GALNT12: variants seen among roughly 807,000 people sequenced by gnomAD.
GALNT12 encodes the protein polypeptide N-acetylgalactosaminyltransferase 12.
GALNT12 carries 45 observed loss-of-function variants against 55.5 expected under a neutral mutation model. That is an observed-to-expected ratio of 0.81 (90% CI 0.64 to 1.04). The LOEUF is 1.04. GALNT12 is among the 50% of genes least tolerant of loss of function. The pLI is 0.00. For synonymous variants in GALNT12, 304 were observed against 312.2 expected (o/e 0.97, Z 0.28); for missense variants, 709 against 754.8 (o/e 0.94, Z 0.71).
At chr9:98,828,890 C>T (rs1052518990) in intron 3 of GALNT12, among the ~76,000 whole-genome samples, 5 of 151,888 alleles carry the variant, frequency 3.3e-5, no homozygotes, top group African/African-American at 1.2e-4. Flanking sequence ...AGGGCAGTGG[C>T]GTGATCTTGG....
intron 1 of GALNT12, among the ~76,000 whole-genome samples, chr9:98,810,421 A>C (rs566768745): frequency 3.3e-5 from 5 of 152,246 alleles, no homozygotes; most frequent in African/African-American, 1.2e-4. Context: ...GTTTATTTTA[A>C]TTATGAAAGC....
intron 6 of GALNT12, among the ~76,000 whole-genome samples, chr9:98,837,786 A>C (rs1407504): frequency 0.26 from 39,558 of 151,964 alleles, 5,385 homozygotes; most frequent in East Asian, 0.33. Context: ...TGCCCTTGTT[A>C]TATATCACCT....
At chr9:98,833,891 C>G (rs1031162579) in intron 4 of GALNT12, among the ~76,000 whole-genome samples, 11 of 152,270 alleles carry the variant, frequency 7.2e-5, no homozygotes, top group African/African-American at 2.6e-4. Flanking sequence ...CATAATATCC[C>G]TGTGCCTCAG....
chr9:98,829,334 A>G (rs1467848746), intron 3 of GALNT12, among the ~76,000 whole-genome samples: 1 of 151,584 alleles, frequency 6.6e-6, no homozygotes, highest in Non-Finnish European at 1.5e-5. Flanking sequence ...GATTACAGGC[A>G]TGCACTACCA....
At chr9:98,813,428 A>C (rs1835536664) in intron 1 of GALNT12, among the ~76,000 whole-genome samples, 1 of 151,978 alleles carries the variant, frequency 6.6e-6, no homozygotes, top group African/African-American at 2.4e-5. Flanking sequence ...TATCTAGATT[A>C]GTGTTTTCTT....
intron 1 of GALNT12, 88 bp downstream of exon 1, chr9:98,808,157 G>A: frequency 2.8e-6 from 3 of 1,090,352 alleles, no homozygotes; most frequent in South Asian, 1.4e-5. Flanking sequence ...CGGGGAGCTG[G>A]GGTCTCCAGG....
chr9:98,841,716 G>C (rs1449826528), intron 7 of GALNT12, among the ~76,000 whole-genome samples: 1 of 151,850 alleles, frequency 6.6e-6, no homozygotes, highest in Non-Finnish European at 1.5e-5. Flanking sequence ...TGTCCCCCAG[G>C]CTGGAGTGCA....
intron 1 of GALNT12, 147 bp downstream of exon 1, chr9:98,808,216 C>A: frequency 1.6e-6 from 1 of 608,424 alleles, no homozygotes; most frequent in Non-Finnish European, 2.8e-6. Flanking sequence ...TGTAAGAGCT[C>A]ACATGGGGGC....
At chr9:98,845,819 G>A (rs531237593) in intron 8 of GALNT12, among the ~76,000 whole-genome samples, 158 bp from the exon 9 acceptor site, 73 of 152,262 alleles carry the variant, frequency 4.8e-4, no homozygotes, top group African/African-American at 1.7e-3. Context: ...TGAGGGCTGT[G>A]GGATGCGGAG....
intron 1 of GALNT12, among the ~76,000 whole-genome samples, chr9:98,813,558 T>C (rs1588439295): frequency 6.6e-6 from 1 of 151,836 alleles, no homozygotes; most frequent in Admixed American, 6.6e-5. Context: ...AGTGCAATGG[T>C]GCGATCTCAG....
At chr9:98,837,658 G>T (rs1245075311) in intron 6 of GALNT12, among the ~76,000 whole-genome samples, 3 of 152,238 alleles carry the variant, frequency 2.0e-5, no homozygotes, top group Middle Eastern at 3.4e-3. Flanking sequence ...ACGACTGGGG[G>T]ACATTCTAGA....
At chr9:98,840,599 G>T (rs955319925) in intron 7 of GALNT12, among the ~76,000 whole-genome samples, 1 of 152,170 alleles carries the variant, frequency 6.6e-6, no homozygotes, top group Non-Finnish European at 1.5e-5. Flanking sequence ...TTTTTGCTGG[G>T]AATGACACCA....
At chr9:98,812,103 A>T (rs1271620509) in intron 1 of GALNT12, among the ~76,000 whole-genome samples, 2 of 152,136 alleles carry the variant, frequency 1.3e-5, no homozygotes, top group African/African-American at 2.4e-5. Context: ...TATTTTATGA[A>T]TTCTTATTAG....
At chr9:98,827,885 C>T (rs941725351) in intron 3 of GALNT12, among the ~76,000 whole-genome samples, 21 of 152,190 alleles carry the variant, frequency 1.4e-4, no homozygotes, top group Non-Finnish European at 2.2e-4. Context: ...TGCTGTTCCA[C>T]GGCATCTCAC....
intron 7 of GALNT12, among the ~76,000 whole-genome samples, chr9:98,841,336 G>C (rs750108001): frequency 2.0e-5 from 3 of 152,280 alleles, no homozygotes; most frequent in Non-Finnish European, 4.4e-5. Context: ...AACACTTTGT[G>C]GGTGATGTTA....
At chr9:98,824,329 C>G (rs1835813652) in intron 2 of GALNT12, among the ~76,000 whole-genome samples, 1 of 152,180 alleles carries the variant, frequency 6.6e-6, no homozygotes, top group South Asian at 2.1e-4. Flanking sequence ...GCTCTGCTGC[C>G]TTGGTCCTCA....
At position 98,831,633 on chromosome 9, in the gene GALNT12, G is replaced by A; in HGVS notation, c.732-139G>A. 2 of 1,006,844 alleles carry A rather than the reference G, an allele frequency of 2.0e-6. 1 individual carries two copies. Among genetic ancestry groups the A allele is most frequent in the Non-Finnish European group, 3.1e-6 (2 of 653,526 alleles). 62.4% of individuals were successfully genotyped at this position (1,006,844 alleles called of 1,614,324 possible). On this transcript the variant is annotated intron_variant, in intron 3 of 9. Coordinates refer to ENST00000375011, the MANE Select transcript of GALNT12 (RefSeq NM_024642.5). ...GCTCTGACACGGCTGCAGACACCTGGAATAAGAGAAGCAGGTCTTTCTCAG... is the reference window on the plus strand; with the variant it reads ...GCTCTGACACGGCTGCAGACACCTGAAATAAGAGAAGCAGGTCTTTCTCAG...
At chr9:98,844,015 A>G (rs1836355793) in intron 7 of GALNT12, 81 bp from the exon 8 acceptor site, 1 of 931,812 alleles carries the variant, frequency 1.1e-6, no homozygotes, top group Middle Eastern at 2.1e-4. Context: ...CTCTCATGCC[A>G]GGTACCCTCC....
At chr9:98,838,498 A>C (rs139619423) in intron 6 of GALNT12, among the ~76,000 whole-genome samples, 27 of 152,336 alleles carry the variant, frequency 1.8e-4, no homozygotes, top group African/African-American at 4.6e-4. Context: ...GCTGAGGTTC[A>C]GCCCAGACTG....
Sources: gnomAD v4.1 joint callset for allele counts (sites outside exome capture counted in the v4.1 genomes callset) on GRCh38, gnomAD v4.1.1 for gene constraint, MANE v1.5 for transcripts, NCBI Gene and HGNC (gene_info 2026-07-23, HGNC 2026-07-21) for gene names.